The following FAM184A variants were observed in gnomAD, a reference collection of about 807,000 sequenced individuals.
FAM184A encodes protein FAM184A.
Under a neutral mutation model 143.8 loss-of-function variants are expected in FAM184A, and 99 were observed. The ratio of observed to expected loss-of-function variants is 0.69; its 90% confidence interval spans 0.58 to 0.81. The LOEUF is 0.81. Ranked by LOEUF, FAM184A falls within the 40% of genes least tolerant of loss-of-function variation. The pLI is 0.00. For synonymous variants in FAM184A, 427 were observed against 446.4 expected, an observed-to-expected ratio of 0.96 and a Z score of 0.55; for missense variants, 1,217 against 1,310.5, an observed-to-expected ratio of 0.93 and a Z score of 1.10.
In FAM184A at chr6:119,078,045, C is replaced by G. The variant is rs929145620; in HGVS notation, c.159+96G>C. Reference sequence around the variant, plus strand: ...TTCGGCGGAGGAGTAGAGTTCCCCTCGCTGCGGGCGCAGGGCGCACTGCCT... The same window carrying G: ...TTCGGCGGAGGAGTAGAGTTCCCCTGGCTGCGGGCGCAGGGCGCACTGCCT... On this transcript the variant is annotated intron_variant, in intron 1 of 17. Coordinates refer to ENST00000338891, the MANE Select transcript of FAM184A (RefSeq NM_024581.6). The surrounding 1 kb of genome is among the most constrained non-coding windows in gnomAD (Gnocchi z 5.5). The G allele has an allele frequency of 7.1e-7, 1 of 1,399,498 alleles. No individual in the cohort carries two copies. Among genetic ancestry groups the G allele is most frequent in the African/African-American group, 1.5e-5 (1 of 67,958 alleles). 86.7% of individuals were successfully genotyped at this position (1,399,498 alleles called of 1,614,324 possible).
chr6:119,091,115 G>C (rs1274469869), intron 1 of FAM184A, among the ~76,000 whole-genome samples: 1 of 152,160 alleles, frequency 6.6e-6, no homozygotes, highest in African/African-American at 2.4e-5. Context: ...TGAGATTCTT[G>C]CTGTGTATTA....
intron 1 of FAM184A, among the ~76,000 whole-genome samples, chr6:119,057,639 G>T (rs888604244): frequency 6.6e-6 from 1 of 152,088 alleles, no homozygotes; most frequent in African/African-American, 2.4e-5. Flanking sequence ...CTACTCGGGG[G>T]AGCTGAAGCA....
chr6:119,040,838 C>A (rs1368756080), intron 1 of FAM184A, among the ~76,000 whole-genome samples: 1 of 152,106 alleles, frequency 6.6e-6, no homozygotes, highest in Admixed American at 6.5e-5. Context: ...TAAGTTAGCA[C>A]CACTTTAGGA....
At chr6:119,143,459 G>C (rs1772313237) in intron 1 of FAM184A, among the ~76,000 whole-genome samples, 3 of 152,170 alleles carry the variant, frequency 2.0e-5, no homozygotes, top group Admixed American at 2.0e-4. Context: ...TCCACATCTG[G>C]GTATATGCTC....
At chr6:119,047,032 A>G (rs912961394) in intron 1 of FAM184A, among the ~76,000 whole-genome samples, 11 of 130,626 alleles carry the variant, frequency 8.4e-5, no homozygotes, top group African/African-American at 2.9e-4. Flanking sequence ...ACGCTACAGG[A>G]AAAAAATCTA....
intron 5 of FAM184A, among the ~76,000 whole-genome samples, chr6:119,015,038 TGA>T (rs1382558910): frequency 6.7e-6 from 1 of 148,624 alleles, no homozygotes; most frequent in African/African-American, 2.5e-5. Context: ...CACTCCAGAC[TGA>T]GAGACAGAGC....
intron 1 of FAM184A, among the ~76,000 whole-genome samples, chr6:119,051,525 T>C (rs1361376833): frequency 6.6e-6 from 1 of 152,222 alleles, no homozygotes; most frequent in Non-Finnish European, 1.5e-5. Context: ...ATAAAGACTA[T>C]AATTGGATTG....
intron 1 of FAM184A, among the ~76,000 whole-genome samples, chr6:119,028,124 A>G (rs984189755): frequency 2.0e-5 from 3 of 152,050 alleles, no homozygotes; most frequent in African/African-American, 4.8e-5. Flanking sequence ...AAGCCTAAAA[A>G]TCCTTGCCTG....
At chr6:119,132,072 C>T (rs1225242943) in intron 1 of FAM184A, among the ~76,000 whole-genome samples, 1 of 152,162 alleles carries the variant, frequency 6.6e-6, no homozygotes, top group Non-Finnish European at 1.5e-5. Context: ...TCTTGCATAA[C>T]CATGCCTCAT....
intron 1 of FAM184A, among the ~76,000 whole-genome samples, chr6:119,038,294 G>C (rs1462065797): frequency 6.6e-6 from 1 of 152,222 alleles, no homozygotes. Context: ...AATTGAACCT[G>C]AGCAACTTCA....
rs140759983 is a variant in FAM184A, at chr6:118,999,158, C to T, written c.2088+3741G>A. ...AGATGGCTGAGCAGTAAACAGTGAA[C>T]GGACGCTAGTTCTAGAAAGAGCAGT... On this transcript the variant is annotated intron_variant, in intron 9 of 17. Coordinates refer to ENST00000338891, the MANE Select transcript of FAM184A (RefSeq NM_024581.6). Among the ~76,000 whole-genome samples, 9 of 152,204 alleles carry T rather than the reference C, an allele frequency of 5.9e-5. 1 individual carries two copies. Among genetic ancestry groups the T allele is most frequent in the Non-Finnish European group, 1.3e-4 (9 of 68,018 alleles).
chr6:119,041,353 G>A (rs368510616), intron 1 of FAM184A, among the ~76,000 whole-genome samples: 4 of 152,258 alleles, frequency 2.6e-5, no homozygotes, highest in African/African-American at 7.2e-5. Flanking sequence ...GAAGGTGAGC[G>A]CATCCACCTT....
chr6:118,989,345 T>G (rs1014189391), intron 9 of FAM184A, among the ~76,000 whole-genome samples: 21 of 152,128 alleles, frequency 1.4e-4, no homozygotes, highest in Non-Finnish European at 2.4e-4. Flanking sequence ...GAAAATATAA[T>G]TTCATTTTCA....
In FAM184A at chr6:119,006,526, G is replaced by C. The variant is rs1264284021; in HGVS notation, c.1736C>G (p.Ser579Cys). Residue 579 changes from serine (S) to cysteine (C), a missense_variant, in exon 7 of 18, where the codon TCC becomes TGC. Physicochemically the swap from Ser to Cys is moderately radical, Grantham distance 112. Coordinates refer to ENST00000338891, the MANE Select transcript of FAM184A (RefSeq NM_024581.6). The stretch of plus-strand genomic sequence containing the variant: ...AAGCTCATTCTGAAGCCTTTCCTGG[G>C]AGTCCTGAAGACTAGCAATAAGTCC... ...AEGLIASLQD[S>C]QERLQNELDL... The C allele has an allele frequency of 6.2e-7, 1 of 1,613,878 alleles. No homozygotes were observed. The highest frequency in any genetic ancestry group is 8.5e-7 in the Non-Finnish European group (1 of 1,179,954).
chr6:119,112,662 C>T lies in FAM184A; in HGVS notation c.-202+36416G>A, dbSNP rs116917668. Among the ~76,000 whole-genome samples, 367 of 152,252 alleles carry T rather than the reference C, an allele frequency of 2.4e-3. 2 individuals are homozygous for T. Among genetic ancestry groups the T allele is most frequent in the Middle Eastern group, 3.4e-3 (1 of 294 alleles). ...TACCTGTTATACCCTGAAGAGTGGCCACAGGACAGACATCACTCTACAGAG... is the reference window on the plus strand; with the variant it reads ...TACCTGTTATACCCTGAAGAGTGGCTACAGGACAGACATCACTCTACAGAG... On this transcript the variant is annotated intron_variant, in intron 1 of 16. Transcript: ENST00000352896.
chr6:119,050,694 A>G (rs1223164030), intron 1 of FAM184A, among the ~76,000 whole-genome samples: 20 of 151,882 alleles, frequency 1.3e-4, no homozygotes, highest in Non-Finnish European at 8.8e-5. Context: ...AGTCCCAGCT[A>G]CTCGGGAGGT....
chr6:118,999,905 T>C (rs1268447708), intron 9 of FAM184A, among the ~76,000 whole-genome samples: 1 of 152,200 alleles, frequency 6.6e-6, no homozygotes, highest in Non-Finnish European at 1.5e-5. Context: ...TGGATCATTT[T>C]TAAAGTCACC....
At chr6:119,113,224 G>T (rs533880619) in intron 1 of FAM184A, among the ~76,000 whole-genome samples, 1 of 152,244 alleles carries the variant, frequency 6.6e-6, no homozygotes, top group South Asian at 2.1e-4. Flanking sequence ...CTCTCATTAT[G>T]TTCCTGAAAC....
At chr6:119,008,904 C>G (rs951242962) in intron 6 of FAM184A, among the ~76,000 whole-genome samples, 1 of 152,224 alleles carries the variant, frequency 6.6e-6, no homozygotes, top group Non-Finnish European at 1.5e-5. Flanking sequence ...ATGGGGCTTA[C>G]AAGACCTCCA....
Sources: allele counts gnomAD v4.1 joint callset (sites outside exome capture counted in the v4.1 genomes callset), GRCh38; gene constraint gnomAD v4.1.1; non-coding constraint Gnocchi (gnomAD v3.1); transcripts MANE v1.5; gene names NCBI Gene and HGNC (gene_info 2026-07-23, HGNC 2026-07-21).